Variants in HS3ST5 observed in about 807,000 individuals in gnomAD.
HS3ST5 encodes the protein heparan sulfate-glucosamine 3-sulfotransferase 5, also known as heparan sulfate glucosamine 3-O-sulfotransferase 5.
HS3ST5 carries 10 observed loss-of-function variants against 25.4 expected under a neutral mutation model. That is an observed-to-expected ratio of 0.39 (90% CI 0.24 to 0.67). The LOEUF (loss-of-function observed/expected upper bound fraction) is 0.67, where lower values mean the gene tolerates loss of function less well. Among genes scored for constraint, HS3ST5 ranks in the 30% least tolerant of loss-of-function variants. HS3ST5 has a pLI of 0.44. For synonymous variants in HS3ST5, 170 were observed against 162.4 expected, an observed-to-expected ratio of 1.05 and a Z score of -0.36; for missense variants, 324 against 420.7, an observed-to-expected ratio of 0.77 and a Z score of 2.01.
intron 1 of HS3ST5, among the ~76,000 whole-genome samples, chr6:114,309,565 T>C (rs1775444416): frequency 6.6e-6 from 1 of 152,120 alleles, no homozygotes; most frequent in Non-Finnish European, 1.5e-5. Context: ...AAACCCTATC[T>C]CTATTAAAAA....
intron 2 of HS3ST5, among the ~76,000 whole-genome samples, chr6:114,208,832 G>A (rs1219500882): frequency 6.6e-6 from 1 of 152,118 alleles, no homozygotes; most frequent in Non-Finnish European, 1.5e-5. Flanking sequence ...TTTATGCAAG[G>A]TGTTTTGTTC....
At chr6:114,332,834 A>T (rs927317380) in intron 1 of HS3ST5, among the ~76,000 whole-genome samples, 1 of 152,076 alleles carries the variant, frequency 6.6e-6, no homozygotes, top group African/African-American at 2.4e-5. Flanking sequence ...GAGAACCCTT[A>T]GGGAGAGGGA....
intron 1 of HS3ST5, among the ~76,000 whole-genome samples, chr6:114,254,607 A>T (rs965420553): frequency 2.6e-5 from 4 of 152,188 alleles, no homozygotes; most frequent in Admixed American, 1.3e-4. Context: ...ATTACAAAGA[A>T]AAAGAGGTTT....
chr6:114,245,997 G>T (rs574460626), intron 1 of HS3ST5, among the ~76,000 whole-genome samples: 1 of 152,306 alleles, frequency 6.6e-6, no homozygotes, highest in African/African-American at 2.4e-5. Context: ...TGAAACTGAA[G>T]CTTAAATGGT....
At chr6:114,173,060 T>G (rs2115007181) in intron 2 of HS3ST5, among the ~76,000 whole-genome samples, 1 of 152,354 alleles carries the variant, frequency 6.6e-6, no homozygotes. Context: ...GTTAAACAGG[T>G]CGGGTTCTTT....
At chr6:114,109,035 C>A (rs543050625) in intron 3 of HS3ST5, among the ~76,000 whole-genome samples, 3 of 151,980 alleles carry the variant, frequency 2.0e-5, no homozygotes, top group East Asian at 3.9e-4. Flanking sequence ...TGGTGGCAGG[C>A]GCTTGTAGTC....
intron 1 of HS3ST5, among the ~76,000 whole-genome samples, chr6:114,240,220 G>T (rs1772048004): frequency 6.6e-6 from 1 of 152,112 alleles, no homozygotes. Flanking sequence ...CCTGACCTGG[G>T]GCAAAGGGTG....
intron 3 of HS3ST5, among the ~76,000 whole-genome samples, chr6:114,126,477 T>C (rs182135673): frequency 4.0e-4 from 61 of 152,280 alleles, no homozygotes; most frequent in African/African-American, 1.4e-3. Flanking sequence ...AACAGGATCC[T>C]CCAGCTATGT....
At chr6:114,235,101 C>T (rs542650155) in intron 1 of HS3ST5, among the ~76,000 whole-genome samples, 10 of 151,990 alleles carry the variant, frequency 6.6e-5, no homozygotes, top group East Asian at 1.9e-4. Flanking sequence ...CCAGCCTGGG[C>T]GACAGAGCAA....
chr6:114,088,695 A>G (rs1175115630), intron 3 of HS3ST5, among the ~76,000 whole-genome samples: 1 of 152,236 alleles, frequency 6.6e-6, no homozygotes, highest in African/African-American at 2.4e-5. Context: ...GAAGAATTCT[A>G]TTTAGAAAAT....
intron 3 of HS3ST5, among the ~76,000 whole-genome samples, chr6:114,109,535 G>A (rs1160807831): frequency 6.6e-6 from 1 of 152,156 alleles, no homozygotes; most frequent in Non-Finnish European, 1.5e-5. Context: ...GATACTTGGT[G>A]TTCATGAGCT....
intron 3 of HS3ST5, among the ~76,000 whole-genome samples, chr6:114,141,267 A>G (rs1383845674): frequency 6.6e-6 from 1 of 152,232 alleles, no homozygotes; most frequent in East Asian, 1.9e-4. Context: ...CAGCATTGCC[A>G]TGGATGGCTA....
At chr6:114,279,461 T>C (rs1382497784) in intron 1 of HS3ST5, among the ~76,000 whole-genome samples, 1 of 152,070 alleles carries the variant, frequency 6.6e-6, no homozygotes, top group Non-Finnish European at 1.5e-5. Context: ...TTATACACAG[T>C]TCTAAATCTA....
chr6:114,243,754 C>T (rs758715865), intron 1 of HS3ST5, among the ~76,000 whole-genome samples: 31 of 152,136 alleles, frequency 2.0e-4, no homozygotes, highest in Non-Finnish European at 3.7e-4. Flanking sequence ...TTTCTCTACC[C>T]CTTTTCTTTG....
At chr6:114,136,899 CAAA>C (rs1777645129) in intron 3 of HS3ST5, among the ~76,000 whole-genome samples, 1 of 152,062 alleles carries the variant, frequency 6.6e-6, no homozygotes, top group Non-Finnish European at 1.5e-5. Context: ...ATAATTGTTA[CAAA>C]AACAATATTT....
intron 3 of HS3ST5, among the ~76,000 whole-genome samples, chr6:114,068,124 T>C (rs1346695109): frequency 6.6e-6 from 1 of 152,146 alleles, no homozygotes; most frequent in Admixed American, 6.5e-5. Context: ...TTATGAAAAA[T>C]AGTATTTTAA....
intron 3 of HS3ST5, among the ~76,000 whole-genome samples, chr6:114,092,698 G>C (rs1374200900): frequency 6.8e-6 from 1 of 146,628 alleles, no homozygotes; most frequent in African/African-American, 2.5e-5. Context: ...TTTTTGAGAA[G>C]GAGTTTCACT....
intron 2 of HS3ST5, among the ~76,000 whole-genome samples, chr6:114,206,470 T>C (rs932823561): frequency 1.3e-5 from 2 of 152,126 alleles, no homozygotes; most frequent in African/African-American, 2.4e-5. Flanking sequence ...ATTATAATCA[T>C]TCACATGAAA....
chr6:114,253,176 G>C (rs979381680), intron 1 of HS3ST5, among the ~76,000 whole-genome samples: 1 of 152,160 alleles, frequency 6.6e-6, no homozygotes, highest in African/African-American at 2.4e-5. Flanking sequence ...GCTTAGGCAA[G>C]ACAATGAGAC....
Sources: allele counts gnomAD v4.1 joint callset (sites outside exome capture counted in the v4.1 genomes callset), GRCh38; gene constraint gnomAD v4.1.1; transcripts MANE v1.5; gene names NCBI Gene and HGNC (gene_info 2026-07-23, HGNC 2026-07-21).